Variants in COL9A3 observed in about 807,000 individuals in gnomAD.
COL9A3 encodes collagen type IX alpha 3 chain, also known as collagen alpha-3(IX) chain.
A neutral mutation model predicts 110.2 loss-of-function variants in COL9A3; 82 were observed. The observed-to-expected ratio is 0.74, with a 90% CI of 0.62 to 0.89. COL9A3 has a LOEUF of 0.89. COL9A3 is among the 40% of genes least tolerant of loss of function. The pLI is 0.00. For missense variants in COL9A3, 1,066 were observed against 981.3 expected, an observed-to-expected ratio of 1.09 and a Z score of -1.15; for synonymous variants, 494 against 403.8, an observed-to-expected ratio of 1.22 and a Z score of -2.68.
intron 31 of COL9A3, among the ~76,000 whole-genome samples, chr20:62,839,813 T>C (rs111926406): frequency 7.4e-6 from 1 of 135,558 alleles, no homozygotes; most frequent in Non-Finnish European, 1.6e-5. Context: ...CTCCCCTCCA[T>C]GCACGCACGC....
intron 31 of COL9A3, among the ~76,000 whole-genome samples, 169 bp from the exon 32 acceptor site, chr20:62,840,373 C>T (rs1045413600): frequency 3.0e-5 from 4 of 134,002 alleles, no homozygotes; most frequent in South Asian, 4.4e-4. Context: ...ACCGCCAGCC[C>T]CGCGGAGAGC....
intron 2 of COL9A3, chr20:62,817,923 G>A (rs936187545): frequency 1.5e-5 from 8 of 526,588 alleles, no homozygotes; most frequent in African/African-American, 3.9e-5. Context: ...CGGGGTTCTG[G>A]CCTCTGGCTG....
intron 10 of COL9A3, 111 bp from the exon 11 acceptor site, chr20:62,824,334 G>T: frequency 1.7e-6 from 2 of 1,158,758 alleles, no homozygotes; most frequent in Non-Finnish European, 2.5e-6. Flanking sequence ...GCCTCCCGGG[G>T]TCCCGTCACC....
intron 16 of COL9A3, 37 bp from the exon 17 acceptor site, chr20:62,827,886 A>G (rs2063566594): frequency 3.1e-6 from 5 of 1,609,106 alleles, no homozygotes; most frequent in Non-Finnish European, 3.4e-6. Context: ...GTCTGGGAAG[A>G]GACTGCCACT....
rs1441787996 is a variant in COL9A3, at chr20:62,817,056, C to T, written c.-9C>T. 2 of 1,345,352 alleles carry T rather than the reference C, an allele frequency of 1.5e-6. No individual in the cohort carries two copies. Among genetic ancestry groups the T allele is most frequent in the Non-Finnish European group, 1.9e-6 (2 of 1,041,576 alleles). The allele number at this position is 1,345,352 out of a possible 1,614,324, so 83.3% of individuals were successfully genotyped here. A position where few individuals can be genotyped will look rare whatever the true frequency, so the allele number is the denominator to read the frequency against. On this transcript the variant is annotated 5_prime_UTR_variant, in exon 1 of 32. Transcript: ENST00000649368. Reference sequence around the variant, plus strand: ...CGCCCCGACGCCGCAGCTCAGACTCCGCTCAGCCATGGCCGGGCCGCGCGC... The same window carrying T: ...CGCCCCGACGCCGCAGCTCAGACTCTGCTCAGCCATGGCCGGGCCGCGCGC...
chr20:62,832,397 G>T (rs933392821), intron 25 of COL9A3, among the ~76,000 whole-genome samples: 1 of 152,252 alleles, frequency 6.6e-6, no homozygotes, highest in Non-Finnish European at 1.5e-5. Context: ...CAGCCCCCAG[G>T]CACGCCCCGG....
At chr20:62,829,285 C>T (rs1175961448) in intron 19 of COL9A3, among the ~76,000 whole-genome samples, 170 bp from the exon 20 acceptor site, 1 of 152,204 alleles carries the variant, frequency 6.6e-6, no homozygotes. Flanking sequence ...CATCCAAGGC[C>T]AGGGAGGCTG....
Position 62,825,130 on chromosome 20 carries a change from AG to A in COL9A3, c.630+112del, listed in dbSNP as rs1568753421. On this transcript the variant is annotated intron_variant, in intron 12 of 31. Transcript: ENST00000649368. ...GAGGGAGGGGCTGGGCTCCGGCGGGAGGGAGGGGCTGGGCTCCGGCGGGAGG... is the reference window on the plus strand; with the variant it reads ...GAGGGAGGGGCTGGGCTCCGGCGGGAGGAGGGGCTGGGCTCCGGCGGGAGG... The A allele has an allele frequency of 9.8e-4, 32 of 32,618 alleles. 7 individuals carry two copies. Among genetic ancestry groups the A allele is most frequent in the African/African-American group, 7.7e-3 (30 of 3,882 alleles). The allele number at this position is 32,618 out of a possible 1,614,324, so 2.0% of individuals were successfully genotyped here. A position where few individuals can be genotyped will look rare whatever the true frequency, so the allele number is the denominator to read the frequency against.
At chr20:62,819,360 C>T (rs1322553490) in intron 4 of COL9A3, 67 bp downstream of exon 4, 3 of 1,459,524 alleles carry the variant, frequency 2.1e-6, no homozygotes, top group Non-Finnish European at 2.8e-6. Flanking sequence ...GAGTCCGGCC[C>T]TAATTGCTGT....
Position 62,837,123 on chromosome 20 carries a change from G to A in COL9A3, c.1644G>A (p.Leu548=), listed in dbSNP as rs2063642619. ...AQLAAHLRKP[L]APGSIGRPGP... ...TAGCCGCGCACCTAAGGAAGCCTTT[G>A]GCACCCGGGTCCATTGGTCGGCCCG... Residue 548 remains leucine (L), a synonymous_variant, in exon 30 of 32, where the codon TTG becomes TTA. Transcript: ENST00000649368. The A allele has an allele frequency of 1.9e-6, 3 of 1,613,516 alleles. No homozygotes were observed. The highest frequency in any genetic ancestry group is 2.5e-6 in the Non-Finnish European group (3 of 1,180,028).
intron 10 of COL9A3, among the ~76,000 whole-genome samples, chr20:62,823,349 G>A (rs944154476): frequency 2.6e-5 from 4 of 152,130 alleles, no homozygotes; most frequent in Non-Finnish European, 2.9e-5. Context: ...AAAATGAAGA[G>A]GAAAGAAAAT....
intron 31 of COL9A3, among the ~76,000 whole-genome samples, chr20:62,839,293 GGTTA>G (rs1469721261): frequency 6.6e-6 from 1 of 151,996 alleles, no homozygotes; most frequent in Non-Finnish European, 1.5e-5. Context: ...AAGTCAATTT[GGTTA>G]GATTCTGTTT....
intron 13 of COL9A3, 148 bp from the exon 14 acceptor site, chr20:62,826,056 G>GC: frequency 9.4e-7 from 1 of 1,069,248 alleles, no homozygotes; most frequent in Non-Finnish European, 1.4e-6. Flanking sequence ...CAAGGCTGGT[G>GC]CCCCCTCCCT....
Position 62,837,123 on chromosome 20 carries a change from G to C in COL9A3, c.1644G>C (p.Leu548Phe). The change falls in exon 30 of 32, where the codon TTG becomes TTC. Residue 548 changes from leucine to phenylalanine, a missense_variant. Leu to Phe is a conservative substitution (Grantham distance 22). Coordinates refer to ENST00000649368, the MANE Select transcript of COL9A3 (RefSeq NM_001853.4). ...TAGCCGCGCACCTAAGGAAGCCTTT[G>C]GCACCCGGGTCCATTGGTCGGCCCG... ...AQLAAHLRKP[L>F]APGSIGRPGP... 1 of 1,613,516 alleles carries C rather than the reference G, an allele frequency of 6.2e-7. No homozygotes were observed. Among genetic ancestry groups the C allele is most frequent in the Non-Finnish European group, 8.5e-7 (1 of 1,180,028 alleles).
intron 3 of COL9A3, among the ~76,000 whole-genome samples, chr20:62,818,890 C>T (rs1991024643): frequency 6.6e-6 from 1 of 152,226 alleles, no homozygotes. Flanking sequence ...GTTGAGGGTC[C>T]TGGGGCTCAG....
At chr20:62,840,224 G>GC (rs1482739426) in intron 31 of COL9A3, among the ~76,000 whole-genome samples, 2 of 149,472 alleles carry the variant, frequency 1.3e-5, no homozygotes, top group African/African-American at 2.5e-5. Context: ...CCCACTCCGG[G>GC]CCCCCTGCTC....
chr20:62,827,861 A>G (rs2147212665), intron 16 of COL9A3, 62 bp from the exon 17 acceptor site: 1 of 1,567,348 alleles, frequency 6.4e-7, no homozygotes, highest in East Asian at 2.2e-5. Flanking sequence ...AGCTGGCCGG[A>G]GAATGCGTGA....
Position 62,827,944 on chromosome 20 carries a change from A to G in COL9A3, c.868A>G (p.Thr290Ala), listed in dbSNP as rs1555823585. The G allele has an allele frequency of 6.2e-7, 1 of 1,612,718 alleles. No homozygotes were observed. ...GDLGRPGPKGTPGVAGPSGEP... is the reference protein window; with the variant it reads ...GDLGRPGPKGAPGVAGPSGEP... ...CTAGGGCAGACCTGGTCCCAAGGGA[A>G]CCCCCGGAGTGGCCGGGCCAAGCGG... is the stretch of plus-strand genomic sequence containing the variant. The change falls in exon 17 of 32, where the codon ACC (threonine) becomes GCC (alanine). Residue 290 changes from threonine (T) to alanine (A), a missense_variant. Thr to Ala is a moderately conservative substitution (Grantham distance 58). Coordinates refer to ENST00000649368, the MANE Select transcript of COL9A3 (RefSeq NM_001853.4).
intron 26 of COL9A3, among the ~76,000 whole-genome samples, chr20:62,835,620 C>T (rs2063629200): frequency 6.6e-6 from 1 of 152,110 alleles, no homozygotes; most frequent in Admixed American, 6.5e-5. Flanking sequence ...TTCAGCCCAG[C>T]ATTAGGCGTG....
Sources: gnomAD v4.1 joint callset for allele counts (sites outside exome capture counted in the v4.1 genomes callset) on GRCh38, gnomAD v4.1.1 for gene constraint, MANE v1.5 for transcripts, NCBI Gene and HGNC (gene_info 2026-07-23, HGNC 2026-07-21) for gene names.